The following ABCA10 variants were observed in gnomAD, a reference collection of about 807,000 sequenced individuals.
ABCA10 encodes the protein ATP-binding cassette sub-family A member 10.
Under a neutral mutation model 187.5 loss-of-function variants are expected in ABCA10, and 169 were observed. The observed-to-expected ratio is 0.90, with a 90% CI of 0.80 to 1.02. The LOEUF (loss-of-function observed/expected upper bound fraction) is 1.02. Among genes scored for constraint, ABCA10 ranks in the 50% least tolerant of loss-of-function variants. The probability of loss-of-function intolerance (pLI) is 0.00; values close to 1 mark genes in which losing one functional copy is unlikely to be tolerated. For missense variants in ABCA10, 1,727 were observed against 1,812.4 expected, an observed-to-expected ratio of 0.95 and a Z score of 0.86; for synonymous variants, 574 against 601.8, an observed-to-expected ratio of 0.95 and a Z score of 0.68.
chr17:69,189,549 C>A (rs2074445162), intron 18 of ABCA10, among the ~76,000 whole-genome samples: 1 of 151,982 alleles, frequency 6.6e-6, no homozygotes, highest in African/African-American at 2.4e-5. Context: ...GTCAATTTTT[C>A]TTTTTGTTAC....
At position 69,222,635 on chromosome 17, in the gene ABCA10, G is replaced by A; in HGVS notation, c.97C>T (p.His33Tyr). 1 of 1,599,702 alleles carries A rather than the reference G, an allele frequency of 6.3e-7. No homozygotes were observed. Among genetic ancestry groups the A allele is most frequent in the African/African-American group, 1.3e-5 (1 of 74,076 alleles). ...CTAAATATAACTCCCACCATTTCAT[G>A]GTATTTTTTTGGAAGTTCTATATCC... is the stretch of plus-strand genomic sequence containing the variant. ...TMDIELPKKY[H>Y]EMVGVIFSDT... The change falls in exon 4 of 39, where the codon CAT becomes TAT. Residue 33 changes from histidine (H) to tyrosine (Y), a missense_variant. His to Tyr is a moderately conservative substitution (Grantham distance 83). Coordinates refer to ENST00000690296, the MANE Select transcript of ABCA10 (RefSeq NM_001377321.1).
At chr17:69,149,927 C>A in intron 37 of ABCA10, 57 bp downstream of exon 37, 2 of 1,320,252 alleles carry the variant, frequency 1.5e-6, no homozygotes, top group Non-Finnish European at 2.1e-6. Flanking sequence ...AGTCTATATT[C>A]CACATGAAAA....
At chr17:69,171,171 G>T (rs1427044695) in intron 25 of ABCA10, among the ~76,000 whole-genome samples, 1 of 152,076 alleles carries the variant, frequency 6.6e-6, no homozygotes, top group African/African-American at 2.4e-5. Context: ...AAGGCAATAA[G>T]CACTAGATGA....
At chr17:69,153,800 C>G in intron 32 of ABCA10, 31 bp downstream of exon 32, 1 of 1,578,518 alleles carries the variant, frequency 6.3e-7, no homozygotes, top group Non-Finnish European at 8.6e-7. Context: ...CCCCTTCCTC[C>G]TGCTACAAAT....
intron 9 of ABCA10, among the ~76,000 whole-genome samples, chr17:69,208,947 T>C: frequency 6.6e-6 from 1 of 151,858 alleles, no homozygotes; most frequent in East Asian, 1.9e-4. Flanking sequence ...GAGGCTGAGG[T>C]GGGAGGATAG....
intron 6 of ABCA10, among the ~76,000 whole-genome samples, chr17:69,217,548 T>C (rs574730118): frequency 2.0e-5 from 3 of 152,176 alleles, no homozygotes; most frequent in South Asian, 4.2e-4. Flanking sequence ...CAAACAGAAA[T>C]ACATCCATGC....
intron 9 of ABCA10, among the ~76,000 whole-genome samples, chr17:69,210,851 T>TATATATATGCC (rs1568069910): frequency 1.7e-5 from 1 of 57,820 alleles, no homozygotes; most frequent in Admixed American, 2.0e-4. Flanking sequence ...ATGCCACATA[T>TATATATATGCC]ATATATATAT....
At chr17:69,205,292 C>A (rs1391262321) in intron 9 of ABCA10, among the ~76,000 whole-genome samples, 2 of 152,110 alleles carry the variant, frequency 1.3e-5, no homozygotes, top group African/African-American at 4.8e-5. Context: ...TATTGAGAGC[C>A]TCCTATACAC....
At chr17:69,208,226 G>A (rs2074606313) in intron 9 of ABCA10, among the ~76,000 whole-genome samples, 1 of 151,750 alleles carries the variant, frequency 6.6e-6, no homozygotes, top group Non-Finnish European at 1.5e-5. Flanking sequence ...GACCATCCTG[G>A]CTAACACGGT....
At chr17:69,201,724 G>A in intron 9 of ABCA10, 56 bp from the exon 10 acceptor site, 1 of 1,338,466 alleles carries the variant, frequency 7.5e-7, no homozygotes, top group Non-Finnish European at 1.0e-6. Context: ...CCAATAAAAA[G>A]GGACATCTGT....
intron 5 of ABCA10, among the ~76,000 whole-genome samples, chr17:69,220,410 C>T (rs2074739201): frequency 6.6e-6 from 1 of 152,066 alleles, no homozygotes; most frequent in Non-Finnish European, 1.5e-5. Context: ...ATAGTTTAGG[C>T]AAGATATGAT....
At chr17:69,195,250 G>A (rs1261322047) in intron 11 of ABCA10, among the ~76,000 whole-genome samples, 3 of 152,100 alleles carry the variant, frequency 2.0e-5, no homozygotes, top group Non-Finnish European at 4.4e-5. Flanking sequence ...CAAAATAGAC[G>A]ATGAAGAGTT....
In ABCA10 at chr17:69,174,324, T is replaced by C. The variant is rs915787685; in HGVS notation, c.3119A>G (p.Lys1040Arg). Residue 1040 changes from lysine (K) to arginine (R), a missense_variant, in exon 25 of 39, where the codon AAG becomes AGG. Coordinates refer to ENST00000690296, the MANE Select transcript of ABCA10 (RefSeq NM_001377321.1). ...LTYVLSFIFRKWRKNNGFWSF... is the reference protein window; with the variant it reads ...LTYVLSFIFRRWRKNNGFWSF... ...CCAAAAGCCATTATTTTTTCTCCAC[T>C]TGCGAAAGATGAATGAAAGCACATA... 1 of 1,609,812 alleles carries C rather than the reference T, an allele frequency of 6.2e-7. No homozygotes were observed. The highest frequency in any genetic ancestry group is 8.5e-7 in the Non-Finnish European group (1 of 1,178,580).
intron 16 of ABCA10, among the ~76,000 whole-genome samples, chr17:69,191,543 T>C (rs144258362): frequency 5.3e-5 from 8 of 152,312 alleles, no homozygotes; most frequent in Non-Finnish European, 1.0e-4. Context: ...TTATAGTACA[T>C]ATCAACACCA....
chr17:69,219,592 T>C lies in ABCA10; in HGVS notation c.483A>G (p.Lys161=). 1.2e-6 allele frequency: 2 copies of C among 1,608,558 alleles called. No homozygotes were observed. Among genetic ancestry groups the C allele is most frequent in the South Asian group, 1.1e-5 (1 of 89,002 alleles). Residue 161 remains lysine, a synonymous_variant, in exon 6 of 39, where the codon AAA becomes AAG. Transcript: ENST00000690296. ...ASLNVARERG[K]FKKLMTVMGL... is the part of the protein sequence containing the mutation. ...CCATCACTGTCATCAGTTTCTTAAA[T>C]TTTCCTCTTTCCCTTGCAACATTTA...
Position 69,235,787 on chromosome 17 carries a change from C to A in ABCA10, c.-592-6927G>T, listed in dbSNP as rs376530985. ...TTACTGAGATTTAAAAAAAAGAAAA[C>A]AAAAAAAACAAAAACAAAACCTTAA... On this transcript the variant is annotated intron_variant, in intron 1 of 39. Coordinates refer to the ABCA10 transcript ENST00000269081. Among the ~76,000 whole-genome samples the A allele has an allele frequency of 3.8e-3, 573 of 149,102 alleles. 5 individuals carry two copies. The highest frequency in any genetic ancestry group is 0.013 in the African/African-American group (541 of 40,376).
At chr17:69,161,133 A>G (rs2074214618) in intron 27 of ABCA10, among the ~76,000 whole-genome samples, 1 of 152,204 alleles carries the variant, frequency 6.6e-6, no homozygotes, top group Admixed American at 6.5e-5. Flanking sequence ...AACATTATAC[A>G]GAGTGAAATA....
At chr17:69,186,270 T>C (rs1000783550) in intron 19 of ABCA10, among the ~76,000 whole-genome samples, 1 of 151,814 alleles carries the variant, frequency 6.6e-6, no homozygotes, top group African/African-American at 2.4e-5. Context: ...CTATCAGCCA[T>C]ATATTTCATA....
intron 4 of ABCA10, 90 bp from the exon 5 acceptor site, chr17:69,221,985 A>T (rs1160485218): frequency 7.5e-6 from 7 of 930,868 alleles, no homozygotes; most frequent in Non-Finnish European, 9.7e-6. Flanking sequence ...AAATCAAAAT[A>T]TCTAAATGTT....
Sources: allele counts gnomAD v4.1 joint callset (sites outside exome capture counted in the v4.1 genomes callset), GRCh38; gene constraint gnomAD v4.1.1; transcripts MANE v1.5; gene names NCBI Gene and HGNC (gene_info 2026-07-23, HGNC 2026-07-21).